ANKRD2: variants seen among roughly 807,000 people sequenced by gnomAD.
ANKRD2 encodes the protein ankyrin repeat domain 2.
In ANKRD2, 35 loss-of-function variants were observed where a neutral mutation model predicts 37.3. That is an observed-to-expected ratio of 0.94 (90% confidence interval 0.72 to 1.24). The LOEUF is 1.24. ANKRD2 is among the 50% of genes most tolerant of loss of function. The pLI is 0.00. For missense variants in ANKRD2, 410 were observed against 445.6 expected (o/e 0.92, Z 0.72); for synonymous variants, 159 against 186.5 (o/e 0.85, Z 1.20).
At chr10:97,573,680 G>A (rs2040788653) in intron 1 of ANKRD2, among the ~76,000 whole-genome samples, 1 of 151,956 alleles carries the variant, frequency 6.6e-6, no homozygotes, top group South Asian at 2.1e-4. Flanking sequence ...ACCCACCTTG[G>A]CCTCCCAAAG....
At chr10:97,580,786 C>T in intron 4 of ANKRD2, 69 bp from the exon 5 acceptor site, 1 of 1,242,814 alleles carries the variant, frequency 8.0e-7, no homozygotes, top group Non-Finnish European at 1.1e-6. Context: ...GCCTGGGCCT[C>T]AGCTTGGGTG....
intron 6 of ANKRD2, among the ~76,000 whole-genome samples, chr10:97,581,857 T>G (rs553208016): frequency 6.6e-6 from 1 of 152,360 alleles, no homozygotes; most frequent in South Asian, 2.1e-4. Context: ...CATTATTTCA[T>G]GTACAACCTT....
In ANKRD2 at chr10:97,583,725, A is replaced by G; in HGVS notation, c.1002A>G (p.Ter334TrpextTer28). The G allele has an allele frequency of 6.6e-7, 1 of 1,524,650 alleles. No homozygotes were observed. Among genetic ancestry groups the G allele is most frequent in the South Asian group, 1.3e-5 (1 of 78,448 alleles). 94.4% of individuals were successfully genotyped at this position (1,524,650 alleles called of 1,614,324 possible). A position where few individuals can be genotyped will look rare whatever the true frequency, so the allele number is the denominator to read the frequency against. ...CCCCTCAGCCTGTGCCAGCCCAGTG[A>G]ATGCGTGCCCCAGCCCAGCCAGCTA... ...RETPQPVPAQ[*>W] Residue 334 changes from the stop codon to tryptophan (W), a stop_lost, in exon 9 of 9, where the codon TGA (stop) becomes TGG (tryptophan). Coordinates refer to ENST00000370655, the MANE Select transcript of ANKRD2 (RefSeq NM_001346793.2).
rs748795185 is a variant in ANKRD2, at chr10:97,579,575, ATTTTCTTTTT to A, written c.456+981_456+990del. Reference sequence around the variant, plus strand: ...TACATTCACAATGTTGTGCAGCCATATTTTCTTTTTTTTTCTTTTTCTTTTTTTTTGAGAT... The same window carrying A: ...TACATTCACAATGTTGTGCAGCCATATTTTCTTTTTCTTTTTTTTTGAGAT... On this transcript the variant is annotated intron_variant, in intron 4 of 8. Coordinates refer to ENST00000370655, the MANE Select transcript of ANKRD2 (RefSeq NM_001346793.2). Among the ~76,000 whole-genome samples, 28 of 149,226 alleles carry A rather than the reference ATTTTCTTTTT, an allele frequency of 1.9e-4. 1 individual carries two copies. The Middle Eastern group carries it at 0.021, about 112-fold the overall frequency.
intron 5 of ANKRD2, 109 bp downstream of exon 5, chr10:97,581,062 G>A: frequency 9.7e-7 from 1 of 1,035,086 alleles, no homozygotes; most frequent in Non-Finnish European, 1.4e-6. Flanking sequence ...GGTTGCTCAG[G>A]TGCCAGACTC....
intron 4 of ANKRD2, among the ~76,000 whole-genome samples, chr10:97,579,307 CTT>C (rs59132098): frequency 1.4e-4 from 19 of 135,560 alleles, no homozygotes; most frequent in Non-Finnish European, 1.6e-4. Context: ...TAGTACTGTA[CTT>C]TTTTTTTTTT....
chr10:97,576,869 G>A (rs983393116), intron 1 of ANKRD2, among the ~76,000 whole-genome samples: 3 of 151,646 alleles, frequency 2.0e-5, no homozygotes, highest in African/African-American at 7.3e-5. Context: ...GCTAATTTTT[G>A]TATTTTTAGT....
At chr10:97,582,177 C>T (rs2040906028) in intron 6 of ANKRD2, 138 bp from the exon 7 acceptor site, 1 of 666,252 alleles carries the variant, frequency 1.5e-6, no homozygotes, top group Non-Finnish European at 2.6e-6. Flanking sequence ...TTGTACCATT[C>T]TCTGCCCCTC....
At chr10:97,583,431 C>CA in intron 8 of ANKRD2, 145 bp from the exon 9 acceptor site, 1 of 808,308 alleles carries the variant, frequency 1.2e-6, no homozygotes, top group Admixed American at 3.1e-5. Context: ...CCTAGTGTGA[C>CA]AACCAAAAGT....
At chr10:97,577,022 TTCTC>T (rs145290373) in intron 1 of ANKRD2, among the ~76,000 whole-genome samples, 1 of 148,490 alleles carries the variant, frequency 6.7e-6, no homozygotes, top group Non-Finnish European at 1.5e-5. Flanking sequence ...GGCAGGGTCA[TTCTC>T]TCTCTCTCTC....
Position 97,580,857 on chromosome 10 carries a change from C to T in ANKRD2, c.459C>T (p.Phe153=). ...CCTGACAGCCTCTCTGGGGACAGTT[C>T]CGTCGGACAGCACTGCACCGAGCTT... The part of the protein sequence containing the change: ...DGGSADTCDQ[F]RRTALHRASL... The change falls in exon 5 of 9, where the codon TTC becomes TTT. Residue 153 remains phenylalanine (F), a splice_region_variant and synonymous_variant. Coordinates refer to ENST00000370655, the MANE Select transcript of ANKRD2 (RefSeq NM_001346793.2). 6.2e-7 allele frequency: 1 copy of T among 1,609,858 alleles called. No individual in the cohort carries two copies. The highest frequency in any genetic ancestry group is 8.5e-7 in the Non-Finnish European group (1 of 1,178,400).
rs2040937277 is a variant in ANKRD2, at chr10:97,583,779, G to T, written c.*54G>T. The T allele has an allele frequency of 6.9e-7, 1 of 1,453,252 alleles. No homozygotes were observed. Among genetic ancestry groups the T allele is most frequent in the Admixed American group, 2.6e-5 (1 of 38,176 alleles). 90.0% of individuals were successfully genotyped at this position (1,453,252 alleles called of 1,614,324 possible). On this transcript the variant is annotated 3_prime_UTR_variant, in exon 9 of 9. Coordinates refer to ENST00000370655, the MANE Select transcript of ANKRD2 (RefSeq NM_001346793.2). ...AGCCCCTCTCTGTGTGCAGCCGGAGGGTCCTAAGAATGGCTCCCGGAGCTA... is the reference window on the plus strand; with the variant it reads ...AGCCCCTCTCTGTGTGCAGCCGGAGTGTCCTAAGAATGGCTCCCGGAGCTA...
At chr10:97,572,679 G>T, upstream of ANKRD2, 1 of 1,583,846 alleles carries the variant, frequency 6.3e-7, no homozygotes, top group East Asian at 2.3e-5. Context: ...AGGTGGGGGA[G>T]GCAGGTGGAG....
chr10:97,578,144 G>GGCCCCCCCCCCCCACCCCCCCC, intron 2 of ANKRD2, 96 bp from the exon 3 acceptor site: 1 of 685,446 alleles, frequency 1.5e-6, no homozygotes. Context: ...GGGTCTTCCT[G>GGCCCCCCCCCCCCACCCCCCCC]CCCACCCCAC....
chr10:97,576,985 A>G (rs1484731018), intron 1 of ANKRD2, among the ~76,000 whole-genome samples: 1 of 151,722 alleles, frequency 6.6e-6, no homozygotes, highest in Non-Finnish European at 1.5e-5. Context: ...GGCGTGAGCC[A>G]CTGTACCTGG....
At chr10:97,578,042 C>G in intron 2 of ANKRD2, 141 bp downstream of exon 2, 1 of 1,078,804 alleles carries the variant, frequency 9.3e-7, no homozygotes, top group South Asian at 1.6e-5. Context: ...AATCTCCGCC[C>G]CGTCCCAGAA....
At position 97,582,023 on chromosome 10, in the gene ANKRD2, C is replaced by A. The variant is rs114891882; in HGVS notation, c.655-292C>A. On this transcript the variant is annotated intron_variant, in intron 6 of 8. Coordinates refer to ENST00000370655, the MANE Select transcript of ANKRD2 (RefSeq NM_001346793.2). Reference sequence around the variant, plus strand: ...TTTGCCATGTCCATTACATAGTCATCTCTCAATAAATGACATATATTATGA... The same window carrying A: ...TTTGCCATGTCCATTACATAGTCATATCTCAATAAATGACATATATTATGA... Among the ~76,000 whole-genome samples the A allele has an allele frequency of 5.8e-3, 888 of 152,312 alleles. 9 individuals carry two copies. Among genetic ancestry groups the A allele is most frequent in the African/African-American group, 0.019 (780 of 41,566 alleles).
Position 97,572,893 on chromosome 10 carries a change from G to T in ANKRD2, c.87+18G>T. On this transcript the variant is annotated intron_variant, in intron 1 of 8. Coordinates refer to ENST00000370655, the MANE Select transcript of ANKRD2 (RefSeq NM_001346793.2). ...AGAATGAGGTGCGAGCAGGGGTGGA[G>T]GTGCCCAAGGGGGTCTGAGGAGATC... The T allele has an allele frequency of 6.5e-7, 1 of 1,549,098 alleles. No homozygotes were observed. Among genetic ancestry groups the T allele is most frequent in the East Asian group, 2.4e-5 (1 of 40,892 alleles).
intron 6 of ANKRD2, among the ~76,000 whole-genome samples, chr10:97,581,971 C>A (rs796922647): frequency 5.9e-5 from 9 of 152,276 alleles, no homozygotes; most frequent in African/African-American, 2.2e-4. Flanking sequence ...ATTATTTATT[C>A]AACATAAGGC....
Sources: allele counts gnomAD v4.1 joint callset (sites outside exome capture counted in the v4.1 genomes callset), GRCh38; gene constraint gnomAD v4.1.1; transcripts MANE v1.5; gene names NCBI Gene and HGNC (gene_info 2026-07-23, HGNC 2026-07-21).